The following PAWR variants were observed in gnomAD, a reference collection of about 807,000 sequenced individuals.
The protein encoded by PAWR is PRKC apoptosis WT1 regulator protein.
Under a neutral mutation model 32.0 loss-of-function variants are expected in PAWR, and 23 were observed. That is an observed-to-expected ratio of 0.72 (90% CI 0.52 to 1.02). PAWR has a LOEUF of 1.02. Among genes scored for constraint, PAWR ranks in the 50% least tolerant of loss-of-function variants. The probability of loss-of-function intolerance (pLI) is 0.00; values close to 1 mark genes in which losing one functional copy is unlikely to be tolerated. For missense variants in PAWR, 457 were observed against 437.7 expected, an observed-to-expected ratio of 1.04 and a Z score of -0.39; for synonymous variants, 226 against 187.1, an observed-to-expected ratio of 1.21 and a Z score of -1.70.
chr12:79,661,800 C>T (rs1877363002), intron 2 of PAWR, among the ~76,000 whole-genome samples: 1 of 152,056 alleles, frequency 6.6e-6, no homozygotes, highest in African/African-American at 2.4e-5. Context: ...ATATGATCAG[C>T]TGGGGCCATA....
At chr12:79,599,125 A>G (rs889761513) in intron 4 of PAWR, among the ~76,000 whole-genome samples, 2 of 152,226 alleles carry the variant, frequency 1.3e-5, no homozygotes, top group Non-Finnish European at 2.9e-5. Context: ...ACATATTTGA[A>G]AAGCTGGGGA....
At chr12:79,673,327 C>T (rs954320864) in intron 2 of PAWR, among the ~76,000 whole-genome samples, 1 of 152,182 alleles carries the variant, frequency 6.6e-6, no homozygotes, top group Non-Finnish European at 1.5e-5. Flanking sequence ...CCTCAGCCTC[C>T]CAAAGTGCTG....
intron 2 of PAWR, among the ~76,000 whole-genome samples, chr12:79,681,352 T>C (rs1878439590): frequency 6.6e-6 from 1 of 152,032 alleles, no homozygotes; most frequent in African/African-American, 2.4e-5. Flanking sequence ...CTCAGCTGCT[T>C]GGTAGGCTGA....
intron 2 of PAWR, among the ~76,000 whole-genome samples, chr12:79,682,514 A>T (rs1878494519): frequency 6.6e-6 from 1 of 152,220 alleles, no homozygotes; most frequent in Non-Finnish European, 1.5e-5. Flanking sequence ...TGACCCACAA[A>T]ATTTTGCTGG....
Position 79,662,014 on chromosome 12 carries a change from T to G in PAWR, c.516+27715A>C, listed in dbSNP as rs919095326. 5.3e-5 allele frequency among the ~76,000 whole-genome samples: 8 copies of G among 152,136 alleles called. No homozygotes were observed. The East Asian group carries it at 1.3e-3, about 26-fold the overall frequency. ...CAAAGATAGTATTTTCAAAAAGCTC[T>G]ATTTCAACTTGAAATTCAGGGCATA... On this transcript the variant is annotated intron_variant, in intron 2 of 6. Coordinates refer to ENST00000328827, the MANE Select transcript of PAWR (RefSeq NM_002583.4).
At chr12:79,601,287 A>G (rs534253895) in intron 4 of PAWR, among the ~76,000 whole-genome samples, 5 of 145,592 alleles carry the variant, frequency 3.4e-5, no homozygotes, top group Non-Finnish European at 7.4e-5. Flanking sequence ...GGACAATCAT[A>G]GCTCACTGTA....
chr12:79,650,470 T>C (rs1417604896), intron 2 of PAWR, among the ~76,000 whole-genome samples: 1 of 152,200 alleles, frequency 6.6e-6, no homozygotes, highest in African/African-American at 2.4e-5. Flanking sequence ...TCATATTCCA[T>C]ATAAACATCT....
At chr12:79,661,720 C>A (rs1196228570) in intron 2 of PAWR, among the ~76,000 whole-genome samples, 1 of 152,122 alleles carries the variant, frequency 6.6e-6, no homozygotes, top group Non-Finnish European at 1.5e-5. Flanking sequence ...ACACCATGTT[C>A]CCCTTATCCT....
chr12:79,648,480 T>C (rs1430681161), intron 2 of PAWR, among the ~76,000 whole-genome samples: 2 of 152,100 alleles, frequency 1.3e-5, no homozygotes, highest in African/African-American at 4.8e-5. Flanking sequence ...TTTGGATATA[T>C]GCTTTAAACT....
At chr12:79,681,111 G>GA (rs35984659) in intron 2 of PAWR, among the ~76,000 whole-genome samples, 3 of 99,200 alleles carry the variant, frequency 3.0e-5, no homozygotes, top group East Asian at 7.4e-4. Flanking sequence ...TCCTGTCTCA[G>GA]AAAAAAGGAG....
At chr12:79,690,781 G>C (rs1878984294) in intron 1 of PAWR, 91 bp downstream of exon 1, 1 of 152,362 alleles carries the variant, frequency 6.6e-6, no homozygotes, top group Admixed American at 6.5e-5. Context: ...CCCAAGGCGA[G>C]GCGCGGAGCT....
intron 2 of PAWR, among the ~76,000 whole-genome samples, chr12:79,665,325 A>G (rs1052629873): frequency 3.3e-5 from 5 of 152,208 alleles, no homozygotes; most frequent in Non-Finnish European, 7.4e-5. Flanking sequence ...GTCTAACTAG[A>G]AAAGATTTAT....
chr12:79,618,298 G>A (rs183715868), intron 3 of PAWR, among the ~76,000 whole-genome samples: 1 of 151,968 alleles, frequency 6.6e-6, no homozygotes, highest in African/African-American at 2.4e-5. Context: ...TCAGCTAATT[G>A]TTGTATTTTT....
chr12:79,639,584 T>A (rs1257620037), intron 2 of PAWR, among the ~76,000 whole-genome samples: 1 of 152,190 alleles, frequency 6.6e-6, no homozygotes, highest in African/African-American at 2.4e-5. Flanking sequence ...TGGACTTCTA[T>A]GCACATCCTC....
At chr12:79,605,817 T>C (rs1255816425) in intron 4 of PAWR, among the ~76,000 whole-genome samples, 1 of 152,174 alleles carries the variant, frequency 6.6e-6, no homozygotes, top group African/African-American at 2.4e-5. Flanking sequence ...CTCACGCCTG[T>C]AATCCCAGCA....
intron 2 of PAWR, among the ~76,000 whole-genome samples, chr12:79,631,762 G>A (rs1319184801): frequency 6.6e-6 from 1 of 152,108 alleles, no homozygotes; most frequent in East Asian, 1.9e-4. Flanking sequence ...AACAGTTTTT[G>A]TAGAAACTAT....
At chr12:79,634,047 T>C (rs755096904) in intron 2 of PAWR, among the ~76,000 whole-genome samples, 1 of 152,160 alleles carries the variant, frequency 6.6e-6, no homozygotes, top group African/African-American at 2.4e-5. Flanking sequence ...CATTATATGA[T>C]TCTCCTTACA....
intron 4 of PAWR, among the ~76,000 whole-genome samples, chr12:79,598,280 C>G (rs955678274): frequency 1.3e-5 from 2 of 152,008 alleles, no homozygotes; most frequent in South Asian, 4.2e-4. Flanking sequence ...TAGGTTGGAC[C>G]GAGGACAATG....
At chr12:79,595,660 A>T (rs996249868) in intron 5 of PAWR, among the ~76,000 whole-genome samples, 4 of 152,190 alleles carry the variant, frequency 2.6e-5, no homozygotes, top group Non-Finnish European at 5.9e-5. Flanking sequence ...CAGCCTGACC[A>T]ACATGGTGAA....
Sources: gnomAD v4.1 joint callset for allele counts (sites outside exome capture counted in the v4.1 genomes callset) on GRCh38, gnomAD v4.1.1 for gene constraint, MANE v1.5 for transcripts, NCBI Gene and HGNC (gene_info 2026-07-23, HGNC 2026-07-21) for gene names.